GRM5: variants seen among roughly 807,000 people sequenced by gnomAD.
The protein encoded by GRM5 is metabotropic glutamate receptor 5.
GRM5 carries 19 observed loss-of-function variants against 83.1 expected under a neutral mutation model. The ratio of observed to expected loss-of-function variants is 0.23; its 90% CI spans 0.16 to 0.34. The LOEUF (loss-of-function observed/expected upper bound fraction) is 0.34. Ranked by LOEUF, GRM5 falls within the 10% of genes least tolerant of loss-of-function variation. The pLI, the probability that GRM5 is intolerant of heterozygous loss-of-function variation, is 1.00. For synonymous variants in GRM5, 675 were observed against 633.6 expected (o/e 1.07, Z -0.98); for missense variants, 1,160 against 1,588.3 (o/e 0.73, Z 4.58).
At chr11:88,747,248 A>T (rs970530833) in intron 3 of GRM5, among the ~76,000 whole-genome samples, 1 of 152,202 alleles carries the variant, frequency 6.6e-6, no homozygotes, top group Non-Finnish European at 1.5e-5. Flanking sequence ...ATTTATTCAG[A>T]TGCATGTGGT....
intron 8 of GRM5, among the ~76,000 whole-genome samples, chr11:88,530,614 T>C (rs1240155843): frequency 6.6e-6 from 1 of 152,056 alleles, no homozygotes; most frequent in Admixed American, 6.6e-5. Flanking sequence ...GGATAAAAAA[T>C]TTCATTTCTT....
intron 2 of GRM5, among the ~76,000 whole-genome samples, chr11:89,009,723 C>T (rs1565333630): frequency 6.6e-6 from 1 of 150,388 alleles, no homozygotes; most frequent in Non-Finnish European, 1.5e-5. Context: ...GGTGAAACCC[C>T]GTCTCTACTA....
intron 3 of GRM5, among the ~76,000 whole-genome samples, chr11:88,788,788 G>T (rs943378420): frequency 9.2e-5 from 14 of 152,254 alleles, no homozygotes; most frequent in African/African-American, 3.4e-4. Context: ...CTATTAAATT[G>T]TATATGGAAA....
intron 4 of GRM5, among the ~76,000 whole-genome samples, chr11:88,629,345 C>T (rs903976333): frequency 5.9e-5 from 9 of 152,140 alleles, no homozygotes; most frequent in African/African-American, 2.2e-4. Context: ...CAGCTATGCG[C>T]CGTACATATC....
intron 3 of GRM5, among the ~76,000 whole-genome samples, chr11:88,775,234 G>A (rs1183439108): frequency 2.0e-5 from 3 of 152,096 alleles, no homozygotes; most frequent in African/African-American, 7.2e-5. Context: ...GCATAGAGGG[G>A]TTTATAGTAT....
chr11:88,840,263 A>G lies in GRM5; in HGVS notation c.911+9643T>C, dbSNP rs527606629. Among the ~76,000 whole-genome samples, 21 of 152,324 alleles carry G rather than the reference A, an allele frequency of 1.4e-4. No individual in the cohort carries two copies. The East Asian group carries it at 4.1e-3, about 29-fold the overall frequency. On this transcript the variant is annotated intron_variant, in intron 3 of 9. Coordinates refer to ENST00000305447, the MANE Select transcript of GRM5 (RefSeq NM_001143831.3). ...AAGGATCATGTCATAAAAGAAGTCA[A>G]AAGCAGTCTTGAATAACTGAAACCC... is the stretch of plus-strand genomic sequence containing the variant.
chr11:88,864,307 A>G (rs683974), intron 2 of GRM5, among the ~76,000 whole-genome samples: 45,140 of 151,204 alleles, frequency 0.3, 7,028 homozygotes, highest in South Asian at 0.53. Context: ...TGCAAGTAAG[A>G]CTACACTGGC....
chr11:88,827,591 G>T (rs1327766370), intron 3 of GRM5, among the ~76,000 whole-genome samples: 3 of 152,092 alleles, frequency 2.0e-5, no homozygotes, highest in Non-Finnish European at 2.9e-5. Flanking sequence ...CTACTCACTT[G>T]GTTGGTTGTT....
rs182284585 is a variant in GRM5 at position 89,053,642 on chromosome 11, G to A, written c.-200-5570C>T. Among the ~76,000 whole-genome samples the A allele has an allele frequency of 3.0e-3, 450 of 149,786 alleles. 3 individuals carry two copies. The highest frequency in any genetic ancestry group is 0.01 in the African/African-American group (415 of 40,592). On this transcript the variant is annotated intron_variant, in intron 1 of 9. Transcript: ENST00000305447. ...GCGAGACAAGAAACAAAATAAATAC[G>A]TAAAATATTGTGTGCTACATGGTGC... is the stretch of plus-strand genomic sequence containing the variant.
chr11:88,879,910 T>C (rs1296073735), intron 2 of GRM5, among the ~76,000 whole-genome samples: 3 of 151,742 alleles, frequency 2.0e-5, no homozygotes, highest in Non-Finnish European at 2.9e-5. Context: ...GAAGGTGGGG[T>C]GGGAGGAAAC....
intron 2 of GRM5, among the ~76,000 whole-genome samples, chr11:89,025,132 T>C (rs1053019477): frequency 4.6e-5 from 7 of 152,228 alleles, no homozygotes; most frequent in African/African-American, 1.7e-4. Flanking sequence ...GATGTGGGAG[T>C]ACTGGCATAA....
At chr11:88,864,495 T>A (rs1374178506) in intron 2 of GRM5, among the ~76,000 whole-genome samples, 4 of 152,094 alleles carry the variant, frequency 2.6e-5, no homozygotes, top group South Asian at 2.1e-4. Flanking sequence ...TGTGTAGGAA[T>A]GCTTGTGATT....
intron 2 of GRM5, among the ~76,000 whole-genome samples, chr11:88,944,797 C>T (rs372239050): frequency 1.2e-4 from 18 of 151,954 alleles, no homozygotes; most frequent in Middle Eastern, 6.8e-3. Context: ...CCCTAGAGAA[C>T]TAGAACAAGA....
chr11:88,880,030 T>C (rs1944925933), intron 2 of GRM5, among the ~76,000 whole-genome samples: 1 of 152,030 alleles, frequency 6.6e-6, no homozygotes, highest in Admixed American at 6.6e-5. Context: ...TCTGGAGAAA[T>C]GCTTGAGATT....
At chr11:88,757,805 A>G (rs943891623) in intron 3 of GRM5, among the ~76,000 whole-genome samples, 2 of 152,164 alleles carry the variant, frequency 1.3e-5, no homozygotes, top group African/African-American at 4.8e-5. Flanking sequence ...TCCTGCTGCC[A>G]TAGCCCTACA....
chr11:88,592,320 C>A (rs749872176), intron 6 of GRM5, among the ~76,000 whole-genome samples: 1 of 152,184 alleles, frequency 6.6e-6, no homozygotes, highest in Non-Finnish European at 1.5e-5. Flanking sequence ...AAGTGTAGAA[C>A]ACTCTAATAA....
chr11:89,025,976 T>A (rs1282816327), intron 2 of GRM5, among the ~76,000 whole-genome samples: 1 of 152,210 alleles, frequency 6.6e-6, no homozygotes, highest in Non-Finnish European at 1.5e-5. Flanking sequence ...ATGCGGTACA[T>A]ATACGCAGTG....
At chr11:88,640,684 T>C (rs11020748) in intron 4 of GRM5, among the ~76,000 whole-genome samples, 105,372 of 152,062 alleles carry the variant, frequency 0.69, 41,819 homozygotes, top group Non-Finnish European at 0.9. Flanking sequence ...AGTTGATTTG[T>C]TACAGTGGCT....
At chr11:88,924,979 G>A (rs1945761030) in intron 2 of GRM5, among the ~76,000 whole-genome samples, 1 of 151,818 alleles carries the variant, frequency 6.6e-6, no homozygotes. Flanking sequence ...TTGGGGGAGG[G>A]AAGCTGTAAA....
Sources: gnomAD v4.1 joint callset for allele counts (sites outside exome capture counted in the v4.1 genomes callset) on GRCh38, gnomAD v4.1.1 for gene constraint, MANE v1.5 for transcripts, NCBI Gene and HGNC (gene_info 2026-07-23, HGNC 2026-07-21) for gene names.